LPP: variants seen among roughly 807,000 people sequenced by gnomAD.
LPP encodes the protein LIM domain containing preferred translocation partner in lipoma.
A neutral mutation model predicts 60.4 loss-of-function variants in LPP; 38 were observed. The observed-to-expected ratio is 0.63, with a 90% CI of 0.49 to 0.83. The LOEUF (loss-of-function observed/expected upper bound fraction) is 0.83, where lower values mean the gene tolerates loss of function less well. Among genes scored for constraint, LPP ranks in the 40% least tolerant of loss-of-function variants. The pLI is 0.00. For missense variants in LPP, 902 were observed against 783.6 expected (o/e 1.15, Z -1.80); for synonymous variants, 328 against 290.8 (o/e 1.13, Z -1.30).
intron 2 of LPP, among the ~76,000 whole-genome samples, chr3:188,310,026 A>G (rs1274434286): frequency 1.3e-5 from 2 of 152,122 alleles, no homozygotes; most frequent in Admixed American, 1.3e-4. Flanking sequence ...CACAGGCCAA[A>G]AACAGAAAGA....
At chr3:188,360,879 T>C (rs1769094672) in intron 3 of LPP, among the ~76,000 whole-genome samples, 1 of 152,212 alleles carries the variant, frequency 6.6e-6, no homozygotes, top group African/African-American at 2.4e-5. Flanking sequence ...CTAAAATAAT[T>C]ATTCCATTTC....
intron 9 of LPP, among the ~76,000 whole-genome samples, chr3:188,812,598 A>G (rs2151329466): frequency 6.6e-6 from 1 of 152,274 alleles, no homozygotes; most frequent in Non-Finnish European, 1.5e-5. Context: ...TATTTTTAAA[A>G]CCAAATAAAT....
intron 3 of LPP, among the ~76,000 whole-genome samples, chr3:188,373,410 G>A (rs1232934687): frequency 6.6e-6 from 1 of 152,222 alleles, no homozygotes; most frequent in Non-Finnish European, 1.5e-5. Context: ...TAACTGGTGT[G>A]AGATGGTATC....
intron 3 of LPP, among the ~76,000 whole-genome samples, chr3:188,367,053 T>C (rs1053441369): frequency 5.3e-5 from 8 of 152,034 alleles, no homozygotes; most frequent in East Asian, 3.9e-4. Flanking sequence ...CCCGCCACCA[T>C]GCCCGGCTAA....
chr3:188,485,069 A>C lies in LPP; in HGVS notation c.306+365A>C, dbSNP rs1455566164. ...TTTATTGCTATGTTCTCTATCTTCA[A>C]ACATTGCATTCAAGTGAGTAAGGCT... is the stretch of plus-strand genomic sequence containing the variant. On this transcript the variant is annotated intron_variant, in intron 5 of 11. Transcript: ENST00000617246. Among the ~76,000 whole-genome samples, 4 of 152,344 alleles carry C rather than the reference A, an allele frequency of 2.6e-5. No individual in the cohort carries two copies. The East Asian group carries it at 7.7e-4, about 29-fold the overall frequency.
chr3:188,401,215 C>A (rs1192244782), intron 3 of LPP, among the ~76,000 whole-genome samples: 1 of 152,130 alleles, frequency 6.6e-6, no homozygotes, highest in African/African-American at 2.4e-5. Flanking sequence ...TTGTTATCTT[C>A]CTATTCAAGG....
chr3:188,450,478 C>T (rs1177693903), intron 4 of LPP, among the ~76,000 whole-genome samples: 1 of 152,148 alleles, frequency 6.6e-6, no homozygotes, highest in Non-Finnish European at 1.5e-5. Context: ...GGTGCGGTGG[C>T]TCACGCCTGT....
chr3:188,276,026 T>A (rs6444275), intron 2 of LPP, among the ~76,000 whole-genome samples: 110,489 of 152,142 alleles, frequency 0.73, 41,301 homozygotes, highest in African/African-American at 0.9. Context: ...AAGCCTGCTG[T>A]AGTTACCATT....
chr3:188,824,153 TC>T, intron 9 of LPP, among the ~76,000 whole-genome samples: 1 of 152,324 alleles, frequency 6.6e-6, no homozygotes, highest in African/African-American at 2.4e-5. Context: ...TGGTAATTTA[TC>T]CTCTGTAGCC....
Position 188,874,596 on chromosome 3 carries a change from C to A in LPP, c.*117C>A. 8.4e-7 allele frequency: 1 copy of A among 1,195,762 alleles called. No homozygotes were observed. Among genetic ancestry groups the A allele is most frequent in the Non-Finnish European group, 1.2e-6 (1 of 868,368 alleles). The allele number at this position is 1,195,762 out of a possible 1,614,324, so 74.1% of individuals were successfully genotyped here. On this transcript the variant is annotated 3_prime_UTR_variant, in exon 12 of 12. Coordinates refer to ENST00000617246, the MANE Select transcript of LPP (RefSeq NM_001375462.1). Reference sequence around the variant, plus strand: ...TCTCTGTTCTTCATCTGCTATTAACCTTGCCTTAGAAACACATAAATTATG... The same window carrying A: ...TCTCTGTTCTTCATCTGCTATTAACATTGCCTTAGAAACACATAAATTATG...
intron 2 of LPP, among the ~76,000 whole-genome samples, chr3:188,284,631 C>T (rs1170381156): frequency 2.0e-5 from 3 of 152,050 alleles, no homozygotes; most frequent in Non-Finnish European, 2.9e-5. Context: ...GTATGTGTAC[C>T]CACATACGTG....
At chr3:188,724,553 G>A (rs1281730904) in intron 8 of LPP, among the ~76,000 whole-genome samples, 1 of 152,188 alleles carries the variant, frequency 6.6e-6, no homozygotes, top group Non-Finnish European at 1.5e-5. Flanking sequence ...CCTCCTACAT[G>A]GGTAGTAGTG....
At chr3:188,549,304 G>A (rs1010319561) in intron 6 of LPP, among the ~76,000 whole-genome samples, 1 of 152,032 alleles carries the variant, frequency 6.6e-6, no homozygotes, top group African/African-American at 2.4e-5. Context: ...ATCCCCACCT[G>A]TATATTAAAG....
intron 4 of LPP, among the ~76,000 whole-genome samples, chr3:188,428,968 C>T (rs974353433): frequency 6.6e-6 from 1 of 152,088 alleles, no homozygotes; most frequent in South Asian, 2.1e-4. Context: ...CAGATAGGAC[C>T]TTTCTGTTCT....
At chr3:188,525,505 C>T (rs1010429726) in intron 6 of LPP, among the ~76,000 whole-genome samples, 1 of 152,162 alleles carries the variant, frequency 6.6e-6, no homozygotes, top group Non-Finnish European at 1.5e-5. Context: ...ATAGTTTTCA[C>T]AAATATGACT....
intron 4 of LPP, among the ~76,000 whole-genome samples, chr3:188,482,555 G>A (rs1399886350): frequency 6.6e-6 from 1 of 151,990 alleles, no homozygotes; most frequent in Non-Finnish European, 1.5e-5. Context: ...AGGTGTCCTG[G>A]TGCCTGACCC....
intron 9 of LPP, among the ~76,000 whole-genome samples, chr3:188,761,602 A>T (rs1199658494): frequency 6.6e-6 from 1 of 152,210 alleles, no homozygotes; most frequent in Non-Finnish European, 1.5e-5. Context: ...ACTTCGTATG[A>T]CCTATCATTA....
chr3:188,607,481 G>T (rs1842755098), intron 6 of LPP, among the ~76,000 whole-genome samples: 1 of 142,044 alleles, frequency 7.0e-6, no homozygotes, highest in African/African-American at 2.5e-5. Flanking sequence ...GTAGAGAATA[G>T]GAATAATTTT....
intron 4 of LPP, among the ~76,000 whole-genome samples, chr3:188,424,510 A>T (rs1788762265): frequency 6.6e-6 from 1 of 152,056 alleles, no homozygotes; most frequent in African/African-American, 2.4e-5. Flanking sequence ...TGCTAGCTTG[A>T]TGGGGATAGC....
Sources: allele counts gnomAD v4.1 joint callset (sites outside exome capture counted in the v4.1 genomes callset), GRCh38; gene constraint gnomAD v4.1.1; transcripts MANE v1.5; gene names NCBI Gene and HGNC (gene_info 2026-07-23, HGNC 2026-07-21).